The following SPEN variants were observed in gnomAD, a reference collection of about 807,000 sequenced individuals.
The protein encoded by SPEN is spen family transcriptional repressor, also known as msx2-interacting protein.
In SPEN, 18 loss-of-function variants were observed where a neutral mutation model predicts 269.9. That is an observed-to-expected ratio of 0.07 (90% CI 0.05 to 0.10). The LOEUF is 0.10. Among genes scored for constraint, SPEN ranks in the 10% least tolerant of loss-of-function variants. The pLI is 1.00. For synonymous variants in SPEN, 1,726 were observed against 1,765.7 expected (o/e 0.98, Z 0.56); for missense variants, 3,822 against 4,631.2 (o/e 0.83, Z 5.07).
intron 1 of SPEN, among the ~76,000 whole-genome samples, chr1:15,855,145 A>C (rs1291098564): frequency 1.3e-5 from 2 of 152,212 alleles, no homozygotes; most frequent in Non-Finnish European, 2.9e-5. Flanking sequence ...AATGAGAAAC[A>C]CTATTTCTTA....
intron 3 of SPEN, among the ~76,000 whole-genome samples, chr1:15,883,734 T>A (rs1340168755): frequency 2.6e-5 from 4 of 151,996 alleles, no homozygotes; most frequent in Non-Finnish European, 5.9e-5. Context: ...TAATTACATA[T>A]GCTGAGTAAA....
At chr1:15,860,980 C>G (rs1415786778) in intron 1 of SPEN, among the ~76,000 whole-genome samples, 1 of 152,034 alleles carries the variant, frequency 6.6e-6, no homozygotes, top group African/African-American at 2.4e-5. Context: ...TCTTGGCTCA[C>G]TGCAATCTCT....
chr1:15,909,939 C>G (rs2070996667), intron 4 of SPEN, among the ~76,000 whole-genome samples: 1 of 151,868 alleles, frequency 6.6e-6, no homozygotes, highest in South Asian at 2.1e-4. Flanking sequence ...TCCTGGCTAA[C>G]ATGGTGAAAC....
In SPEN at chr1:15,929,066, A is replaced by G. The variant is rs1461525646; in HGVS notation, c.2826A>G (p.Glu942=). Residue 942 remains glutamate (E), a synonymous_variant, in exon 11 of 15, where the codon GAA becomes GAG. Transcript: ENST00000375759. This position sits in a 1 kb window ranked among gnomAD's most constrained non-coding sequence, Gnocchi z 5.8. The stretch of plus-strand genomic sequence containing the variant: ...CAGTTAGAATGAAAGTACCAAAGGA[A>G]AAGGGGCTTTCAAGCCATGTTGAAG... ...LESVRMKVPK[E]KGLSSHVEVV... The G allele has an allele frequency of 5.0e-6, 8 of 1,614,244 alleles. No individual in the cohort carries two copies. Among genetic ancestry groups the G allele is most frequent in the Non-Finnish European group, 6.8e-6 (8 of 1,180,052 alleles).
chr1:15,886,693 G>A lies in SPEN; in HGVS notation c.881+10015G>A, dbSNP rs972492924. 5.3e-5 allele frequency among the ~76,000 whole-genome samples: 8 copies of A among 152,134 alleles called. No homozygotes were observed. In the East Asian group the frequency reaches 1.3e-3, roughly 26 times the overall value. On this transcript the variant is annotated intron_variant, in intron 3 of 14. Coordinates refer to ENST00000375759, the MANE Select transcript of SPEN (RefSeq NM_015001.3). Reference sequence around the variant, plus strand: ...TAGTCTTCTACCTTTTAGAAGCTACGGCTTCTGTAAAACTGCTTCTGCACT... The same window carrying A: ...TAGTCTTCTACCTTTTAGAAGCTACAGCTTCTGTAAAACTGCTTCTGCACT...
chr1:15,848,785 G>A lies in SPEN; in HGVS notation c.83+635G>A, dbSNP rs1037266900. Among the ~76,000 whole-genome samples, 3 of 152,126 alleles carry A rather than the reference G, an allele frequency of 2.0e-5. No individual in the cohort carries two copies. The highest frequency in any genetic ancestry group is 4.4e-5 in the Non-Finnish European group (3 of 68,020). On this transcript the variant is annotated intron_variant, in intron 1 of 14. Coordinates refer to ENST00000375759, the MANE Select transcript of SPEN (RefSeq NM_015001.3). The surrounding 1 kb of genome is among the most constrained non-coding windows in gnomAD (Gnocchi z 5.1). ...GTTTTTGCGGGGCTGGGTGGAGAGTGGTGTGAAATAAGTTGGTGCGCCCGT... is the reference window on the plus strand; with the variant it reads ...GTTTTTGCGGGGCTGGGTGGAGAGTAGTGTGAAATAAGTTGGTGCGCCCGT...
At position 15,874,775 on chromosome 1, in the gene SPEN, A is replaced by G. The variant is rs1422683521; in HGVS notation, c.405-1427A>G. Among the ~76,000 whole-genome samples the G allele has an allele frequency of 3.3e-5, 5 of 152,228 alleles. No homozygotes were observed. In the East Asian group the frequency reaches 9.6e-4, roughly 29 times the overall value. On this transcript the variant is annotated intron_variant, in intron 2 of 14. Transcript: ENST00000375759. ...ATATAAAAATCTCAGAACTGTAGTA[A>G]ATAAAAGAGAAACTCATTTAATACA...
At position 15,899,458 on chromosome 1, in the gene SPEN, G is replaced by A. The variant is rs144019225; in HGVS notation, c.882-9863G>A. Among the ~76,000 whole-genome samples the A allele has an allele frequency of 2.0e-4, 31 of 152,042 alleles. No individual in the cohort carries two copies. In the East Asian group the frequency reaches 4.8e-3, roughly 24 times the overall value. On this transcript the variant is annotated intron_variant, in intron 3 of 14. Coordinates refer to ENST00000375759, the MANE Select transcript of SPEN (RefSeq NM_015001.3). The stretch of plus-strand genomic sequence containing the variant: ...CCCTTCCAAAGTGCTAGGATTACAG[G>A]CGTGAGCCACTGCGCTCGGCAGTTT...
intron 2 of SPEN, 36 bp downstream of exon 2, chr1:15,873,172 A>G (rs748331028): frequency 1.3e-5 from 20 of 1,558,590 alleles, no homozygotes; most frequent in Non-Finnish European, 1.6e-5. Context: ...GGTATTTTGT[A>G]TTTGATATGG....
rs1179056245 is a variant in SPEN at position 15,929,357 on chromosome 1, T to C, written c.3117T>C (p.Pro1039=). The change falls in exon 11 of 15, where the codon CCT becomes CCC. Residue 1039 remains proline (P), a synonymous_variant. Coordinates refer to ENST00000375759, the MANE Select transcript of SPEN (RefSeq NM_015001.3). The surrounding 1 kb of genome is among the most constrained non-coding windows in gnomAD (Gnocchi z 5.8). ...GGGAAGGAGAGGCTGAAAGAAAGCC[T>C]GTGAGGAAAGAAATTCTTAAAAGAG... ...LLREGEAERK[P]VRKEILKRES... 2 of 1,613,092 alleles carry C rather than the reference T, an allele frequency of 1.2e-6. No individual in the cohort carries two copies. The highest frequency in any genetic ancestry group is 1.7e-6 in the Non-Finnish European group (2 of 1,179,710).
At position 15,934,415 on chromosome 1, in the gene SPEN, C is replaced by CAATGCCGCTGCGAGTGCAGTG. The variant is rs2071253642; in HGVS notation, c.8182_8202dup (p.Ala2728_Ala2734dup). ...CAGTGAATGCCGCCCCAGGCACAGT[C>CAATGCCGCTGCGAGTGCAGTG]AATGCCGCTGCGAGTGCAGTGAATG... On this transcript the variant is annotated inframe_insertion, in exon 11 of 15. Transcript: ENST00000375759. This position sits in a 1 kb window ranked among gnomAD's most constrained non-coding sequence, Gnocchi z 9.2. 6.2e-7 allele frequency: 1 copy of CAATGCCGCTGCGAGTGCAGTG among 1,613,730 alleles called. No homozygotes were observed. The highest frequency in any genetic ancestry group is 1.3e-5 in the African/African-American group (1 of 74,950).
chr1:15,895,329 C>T (rs962927244), intron 3 of SPEN, among the ~76,000 whole-genome samples: 12 of 152,196 alleles, frequency 7.9e-5, no homozygotes, highest in African/African-American at 2.4e-4. Context: ...CCATTCCTCC[C>T]TCTCTTAGCC....
chr1:15,920,933 G>A lies in SPEN; in HGVS notation c.1699G>A (p.Ala567Thr). The part of the protein sequence containing the change: ...VLYNEIEYAQ[A>T]AVKETKGRKI... ...CTACAATGAAATTGAATATGCACAA[G>A]CAGCTGTAAAAGAGACCAAAGGGAG... The change falls in exon 9 of 15, where the codon GCA becomes ACA. Residue 567 changes from alanine to threonine, a missense_variant. Coordinates refer to ENST00000375759, the MANE Select transcript of SPEN (RefSeq NM_015001.3). The A allele has an allele frequency of 6.2e-7, 1 of 1,613,202 alleles. No individual in the cohort carries two copies. The highest frequency in any genetic ancestry group is 1.1e-5 in the South Asian group (1 of 90,958).
chr1:15,876,900 A>G (rs1158582191), intron 3 of SPEN, among the ~76,000 whole-genome samples: 1 of 152,252 alleles, frequency 6.6e-6, no homozygotes, highest in Non-Finnish European at 1.5e-5. Context: ...CCAGATGCAC[A>G]GTATTAAAAT....
chr1:15,854,274 G>A (rs1433271287), intron 1 of SPEN, among the ~76,000 whole-genome samples: 1 of 152,046 alleles, frequency 6.6e-6, no homozygotes, highest in Non-Finnish European at 1.5e-5. Context: ...TCAGCCCCTT[G>A]AAACACATAT....
chr1:15,922,814 A>G (rs2071132089), intron 10 of SPEN, among the ~76,000 whole-genome samples: 1 of 151,996 alleles, frequency 6.6e-6, no homozygotes, highest in African/African-American at 2.4e-5. Flanking sequence ...GGTTTTCTCC[A>G]TGTTGTCTAG....
rs2071090932 is a variant in SPEN at position 15,918,995 on chromosome 1, G to A, written c.1465G>A (p.Val489Ile). ...AFLQYCDIAS[V>I]CKAIKKMDGE... The stretch of plus-strand genomic sequence containing the variant: ...TCTGCAATACTGTGATATTGCTAGC[G>A]TTTGTAAAGCTATTAAGAAGATGGA... Residue 489 changes from valine to isoleucine, a missense_variant, in exon 7 of 15, where the codon GTT (valine) becomes ATT (isoleucine). Around this residue, in one of 16 missense-constraint regions of SPEN, gnomAD observed 230 missense variants for 426.1 expected, o/e 0.54. Coordinates refer to ENST00000375759, the MANE Select transcript of SPEN (RefSeq NM_015001.3). 3.1e-6 allele frequency: 5 copies of A among 1,609,996 alleles called. No individual in the cohort carries two copies. Among genetic ancestry groups the A allele is most frequent in the Non-Finnish European group, 4.2e-6 (5 of 1,177,086 alleles).
rs1344201394 is a variant in SPEN, at chr1:15,848,191, C to T, written c.83+41C>T. The T allele has an allele frequency of 1.5e-6, 2 of 1,366,590 alleles. No individual in the cohort carries two copies. Among genetic ancestry groups the T allele is most frequent in the Non-Finnish European group, 2.0e-6 (2 of 1,021,162 alleles). 84.7% of individuals were successfully genotyped at this position (1,366,590 alleles called of 1,614,324 possible). ...CCCGCGGCCGCGCTCGCTCCTCGGG[C>T]GCCGCTTCCCGCCCCGGCCCGTTGC... On this transcript the variant is annotated intron_variant, in intron 1 of 14. Coordinates refer to ENST00000375759, the MANE Select transcript of SPEN (RefSeq NM_015001.3). The surrounding 1 kb of genome is among the most constrained non-coding windows in gnomAD (Gnocchi z 5.1).
intron 6 of SPEN, 108 bp downstream of exon 6, chr1:15,916,387 A>C (rs901451849): frequency 1.7e-6 from 2 of 1,197,418 alleles, no homozygotes; most frequent in African/African-American, 3.1e-5. Flanking sequence ...ATGAATGAAC[A>C]TTGTTGTGTG....
Sources: gnomAD v4.1 joint callset for allele counts (sites outside exome capture counted in the v4.1 genomes callset) on GRCh38, gnomAD v4.1.1 for gene constraint, gnomAD v4.1.1 regional missense constraint, Gnocchi (gnomAD v3.1) non-coding constraint, MANE v1.5 for transcripts, NCBI Gene and HGNC (gene_info 2026-07-23, HGNC 2026-07-21) for gene names.